The following MKLN1 variants were observed in gnomAD, a reference collection of about 807,000 sequenced individuals.
The protein encoded by MKLN1 is muskelin.
A neutral mutation model predicts 99.0 loss-of-function variants in MKLN1; 18 were observed. The observed-to-expected ratio is 0.18, with a 90% CI of 0.13 to 0.27. MKLN1 has a LOEUF of 0.27. Ranked by LOEUF, MKLN1 falls within the 10% of genes least tolerant of loss-of-function variation. MKLN1 has a pLI of 1.00. For synonymous variants in MKLN1, 288 were observed against 293.2 expected, an observed-to-expected ratio of 0.98 and a Z score of 0.18; for missense variants, 621 against 875.9, an observed-to-expected ratio of 0.71 and a Z score of 3.67.
At position 131,493,949 on chromosome 7, in the gene MKLN1, G is replaced by A. The variant is rs1797486499; in HGVS notation, c.*6221G>A. ...TGAACAAGCCTGTGTGCATGAATAA[G>A]GAGCCACTCAAAAAGCCAATTTTGA... On this transcript the variant is annotated 3_prime_UTR_variant, in exon 18 of 18. Transcript: ENST00000352689. 1 of 152,186 alleles carries A rather than the reference G, an allele frequency of 6.6e-6. No homozygotes were observed. The highest frequency in any genetic ancestry group is 2.1e-4 in the South Asian group (1 of 4,830). 9.4% of individuals were successfully genotyped at this position (152,186 alleles called of 1,614,324 possible).
At chr7:131,413,095 C>T (rs1438458059) in intron 7 of MKLN1, among the ~76,000 whole-genome samples, 1 of 152,094 alleles carries the variant, frequency 6.6e-6, no homozygotes, top group Non-Finnish European at 1.5e-5. Context: ...CCTCAGACCT[C>T]TCAGGGGTGA....
intron 6 of MKLN1, among the ~76,000 whole-genome samples, chr7:131,410,929 T>A (rs1794855152): frequency 6.6e-6 from 1 of 152,204 alleles, no homozygotes; most frequent in South Asian, 2.1e-4. Flanking sequence ...TTATGACTTT[T>A]TTTCCCCTCC....
At chr7:131,453,158 A>G (rs1465294340) in intron 12 of MKLN1, among the ~76,000 whole-genome samples, 1 of 152,224 alleles carries the variant, frequency 6.6e-6, no homozygotes, top group Non-Finnish European at 1.5e-5. Context: ...AGAGTATTTT[A>G]TATTTTTAGA....
chr7:131,446,039 G>A, intron 12 of MKLN1, 136 bp downstream of exon 12: 1 of 506,964 alleles, frequency 2.0e-6, no homozygotes, highest in Admixed American at 3.9e-5. Flanking sequence ...GTAAGAGAAA[G>A]AAAATTCTAC....
intron 2 of MKLN1, among the ~76,000 whole-genome samples, chr7:131,376,274 G>A (rs904241064): frequency 6.7e-6 from 1 of 149,304 alleles, no homozygotes; most frequent in South Asian, 2.1e-4. Flanking sequence ...CCTGTTGTCT[G>A]GTGCATAAGG....
intron 2 of MKLN1, among the ~76,000 whole-genome samples, chr7:131,171,118 C>G (rs1350395645): frequency 1.3e-5 from 2 of 152,096 alleles, no homozygotes; most frequent in East Asian, 1.9e-4. Flanking sequence ...CCAAGGATAC[C>G]AAGTGTTTGA....
chr7:131,192,525 C>CAT (rs927794657), intron 2 of MKLN1, among the ~76,000 whole-genome samples: 39 of 136,824 alleles, frequency 2.9e-4, no homozygotes, highest in Non-Finnish European at 5.5e-4. Flanking sequence ...TAAATATTTA[C>CAT]ATATATATAA....
chr7:131,303,130 T>C (rs968782943), intron 3 of MKLN1, among the ~76,000 whole-genome samples: 5 of 152,192 alleles, frequency 3.3e-5, no homozygotes, highest in Non-Finnish European at 7.3e-5. Context: ...AAAGAGGAAT[T>C]ATTGCCAGCT....
intron 3 of MKLN1, among the ~76,000 whole-genome samples, chr7:131,223,529 G>A (rs558350520): frequency 2.0e-5 from 3 of 152,234 alleles, no homozygotes; most frequent in African/African-American, 7.2e-5. Context: ...GCGGGACCAG[G>A]CCTCATTGCT....
chr7:131,244,201 G>A (rs575308092), intron 3 of MKLN1, among the ~76,000 whole-genome samples: 8 of 152,254 alleles, frequency 5.3e-5, no homozygotes, highest in East Asian at 3.9e-4. Context: ...GGAATTTGCC[G>A]AAGAGCAGGT....
At chr7:131,233,270 A>T (rs1797269385) in intron 3 of MKLN1, among the ~76,000 whole-genome samples, 1 of 151,934 alleles carries the variant, frequency 6.6e-6, no homozygotes, top group African/African-American at 2.4e-5. Flanking sequence ...GCTATTCGGG[A>T]GGCTGAGGTG....
intron 3 of MKLN1, among the ~76,000 whole-genome samples, chr7:131,204,741 C>T (rs933320643): frequency 6.6e-5 from 10 of 151,540 alleles, no homozygotes; most frequent in East Asian, 5.8e-4. Context: ...CAAGGCAGGC[C>T]GATCACAAGG....
intron 3 of MKLN1, among the ~76,000 whole-genome samples, chr7:131,291,775 A>AC (rs1354236254): frequency 6.7e-6 from 1 of 149,978 alleles, no homozygotes; most frequent in Admixed American, 6.7e-5. Context: ...ATTAAAAAAA[A>AC]AAAAGAAAAA....
intron 2 of MKLN1, among the ~76,000 whole-genome samples, chr7:131,385,244 G>C (rs192407051): frequency 6.6e-6 from 1 of 152,242 alleles, no homozygotes; most frequent in Non-Finnish European, 1.5e-5. Flanking sequence ...CTGTAATTTG[G>C]CCATTCATCA....
intron 2 of MKLN1, among the ~76,000 whole-genome samples, chr7:131,159,042 A>G (rs1796009329): frequency 6.6e-6 from 1 of 152,058 alleles, no homozygotes; most frequent in African/African-American, 2.4e-5. Flanking sequence ...AAATTTAAAA[A>G]AAAATTAGCT....
At chr7:131,416,137 A>G (rs779550727) in intron 8 of MKLN1, among the ~76,000 whole-genome samples, 2 of 152,210 alleles carry the variant, frequency 1.3e-5, no homozygotes, top group Non-Finnish European at 2.9e-5. Flanking sequence ...CTATAATAAT[A>G]TACTAAATCT....
chr7:131,295,863 T>C, intron 3 of MKLN1, among the ~76,000 whole-genome samples: 1 of 132,310 alleles, frequency 7.6e-6, no homozygotes. Context: ...CCAGCCTGGG[T>C]AACAGAGCAA....
rs113730048 is a variant in MKLN1, at chr7:131,191,879, ATTTT to A, written c.-296-10968_-296-10965del. ...CAGGCAGCTGCCACCATGCCTGACT[ATTTT>A]TTTTTTTTTGTATTGTAGTAGAGAT... is the stretch of plus-strand genomic sequence containing the variant. On this transcript the variant is annotated intron_variant, in intron 2 of 7. Coordinates refer to the MKLN1 transcript ENST00000416992. Among the ~76,000 whole-genome samples the A allele has an allele frequency of 3.7e-5, 5 of 136,898 alleles. No individual in the cohort carries two copies. The East Asian group carries it at 1.1e-3, about 29-fold the overall frequency. The allele number at this position is 136,898 out of a possible 152,430, so 89.8% of individuals were successfully genotyped here.
At chr7:131,373,096 T>C (rs1384459854) in intron 1 of MKLN1, among the ~76,000 whole-genome samples, 1 of 152,018 alleles carries the variant, frequency 6.6e-6, no homozygotes, top group African/African-American at 2.4e-5. Flanking sequence ...ATTTGAAATA[T>C]TTTTGCTATC....
Sources: allele counts gnomAD v4.1 joint callset (sites outside exome capture counted in the v4.1 genomes callset), GRCh38; gene constraint gnomAD v4.1.1; transcripts MANE v1.5; gene names NCBI Gene and HGNC (gene_info 2026-07-23, HGNC 2026-07-21).